Variants in SSPN observed in about 807,000 individuals in gnomAD.
SSPN encodes K-ras oncogene-associated protein.
SSPN carries 15 observed loss-of-function variants against 19.1 expected under a neutral mutation model. That is an observed-to-expected ratio of 0.78 (90% CI 0.52 to 1.21). SSPN has a LOEUF of 1.21. SSPN is among the 50% of genes most tolerant of loss of function. The probability of loss-of-function intolerance (pLI) is 0.00; values close to 1 mark genes in which losing one functional copy is unlikely to be tolerated. For synonymous variants in SSPN, 147 were observed against 140.3 expected (o/e 1.05, Z -0.34); for missense variants, 291 against 314.0 (o/e 0.93, Z 0.55).
intron 1 of SSPN, among the ~76,000 whole-genome samples, chr12:26,169,537 T>C (rs1323118212): frequency 6.6e-6 from 1 of 151,992 alleles, no homozygotes; most frequent in Non-Finnish European, 1.5e-5. Flanking sequence ...TCTAAATCTC[T>C]TTACCATCAG....
chr12:26,218,411 C>A (rs373919883), intron 1 of SSPN, among the ~76,000 whole-genome samples: 1 of 109,624 alleles, frequency 9.1e-6, no homozygotes, highest in South Asian at 4.3e-4. Context: ...GTGGGTGCAG[C>A]GCACCAGCAT....
intron 2 of SSPN, among the ~76,000 whole-genome samples, chr12:26,226,847 C>T (rs575545069): frequency 6.6e-6 from 1 of 152,280 alleles, no homozygotes; most frequent in Non-Finnish European, 1.5e-5. Flanking sequence ...CCCGTTCAGG[C>T]CACCGGGGAA....
intron 1 of SSPN, among the ~76,000 whole-genome samples, chr12:26,135,561 T>C (rs753162747): frequency 6.6e-5 from 10 of 152,304 alleles, no homozygotes; most frequent in Non-Finnish European, 1.3e-4. Flanking sequence ...AGTCGTGCCC[T>C]TGATAGGCTG....
chr12:26,231,009 A>G lies in SSPN; in HGVS notation c.665A>G (p.Gln222Arg). The G allele has an allele frequency of 6.2e-7, 1 of 1,614,214 alleles. No homozygotes were observed. The highest frequency in any genetic ancestry group is 2.2e-5 in the East Asian group (1 of 44,882). ...ACFVMWKHRY[Q>R]VFYVGVRICS... is the part of the protein sequence containing the mutation. ...TTTGTGATGTGGAAACATAGGTACC[A>G]GGTCTTCTATGTGGGTGTCAGGATA... is the stretch of plus-strand genomic sequence containing the variant. Residue 222 changes from glutamine (Q) to arginine (R), a missense_variant, in exon 3 of 3, where the codon CAG (glutamine) becomes CGG (arginine). By Grantham distance (43) the Gln-to-Arg change is conservative. Coordinates refer to ENST00000242729, the MANE Select transcript of SSPN (RefSeq NM_005086.5).
rs964906134 is a variant in SSPN, at chr12:26,199,902, A to T, written c.279+3951A>T. On this transcript the variant is annotated intron_variant, in intron 1 of 2. Transcript: ENST00000242729. ...CCCTTATTATATCTGACAGTAATGA[A>T]TACTTCCGATTAGAAAATTTAACGT... 4.6e-5 allele frequency among the ~76,000 whole-genome samples: 7 copies of T among 152,254 alleles called. 1 individual carries two copies. The highest frequency in any genetic ancestry group is 1.0e-4 in the Non-Finnish European group (7 of 68,048).
intron 1 of SSPN, among the ~76,000 whole-genome samples, chr12:26,185,640 A>G (rs991341287): frequency 1.3e-5 from 2 of 152,190 alleles, no homozygotes; most frequent in Non-Finnish European, 2.9e-5. Context: ...TAATGACCTG[A>G]CCGAACCAGT....
intron 1 of SSPN, among the ~76,000 whole-genome samples, chr12:26,189,992 T>A (rs1009415571): frequency 1.3e-5 from 2 of 152,222 alleles, no homozygotes; most frequent in South Asian, 4.1e-4. Flanking sequence ...AGTGAAGCCA[T>A]GGAACATGTA....
chr12:26,124,933 T>A, intron 1 of SSPN: 1 of 793,308 alleles, frequency 1.3e-6, no homozygotes. Context: ...TGTGAAGCAG[T>A]TGGTCCCCCC....
intron 1 of SSPN, chr12:26,124,631 C>G: frequency 6.2e-7 from 1 of 1,612,266 alleles, no homozygotes; most frequent in Non-Finnish European, 8.5e-7. Flanking sequence ...AGGGGCTCTG[C>G]CCTCGCCAGC....
At chr12:26,148,833 C>T (rs1944508377) in intron 1 of SSPN, among the ~76,000 whole-genome samples, 1 of 152,088 alleles carries the variant, frequency 6.6e-6, no homozygotes, top group Non-Finnish European at 1.5e-5. Flanking sequence ...TGCATCTGAC[C>T]CATCCTGACT....
chr12:26,162,999 CACA>C lies in SSPN; in HGVS notation c.-31+40848_-31+40850del, dbSNP rs1390777172. 3.3e-5 allele frequency among the ~76,000 whole-genome samples: 5 copies of C among 150,618 alleles called. No homozygotes were observed. The East Asian group carries it at 9.7e-4, about 29-fold the overall frequency. ...GAGAAGAGGATTAGGCAGATTCAAA[CACA>C]GTGTGCTTCAAGACGTGTGTGCTTC... is the stretch of plus-strand genomic sequence containing the variant. On this transcript the variant is annotated intron_variant, in intron 1 of 2. Transcript: ENST00000538142.
intron 1 of SSPN, among the ~76,000 whole-genome samples, chr12:26,163,212 TAA>T (rs541852747): frequency 2.2e-3 from 336 of 152,258 alleles, no homozygotes; most frequent in African/African-American, 7.6e-3. Flanking sequence ...CTGAATGGAC[TAA>T]GAGTTAAATG....
chr12:26,222,850 C>T (rs765623990), intron 1 of SSPN, among the ~76,000 whole-genome samples: 1 of 152,320 alleles, frequency 6.6e-6, no homozygotes, highest in Non-Finnish European at 1.5e-5. Flanking sequence ...GTCTTTTTGT[C>T]ACTGATACAC....
chr12:26,143,796 A>T (rs550980583), intron 1 of SSPN, among the ~76,000 whole-genome samples: 3 of 152,330 alleles, frequency 2.0e-5, no homozygotes, highest in African/African-American at 7.2e-5. Flanking sequence ...GTAAAGCTTC[A>T]TCTGTATTTA....
intron 1 of SSPN, chr12:26,123,589 C>G (rs1400903877): frequency 1.4e-6 from 2 of 1,436,178 alleles, no homozygotes; most frequent in Non-Finnish European, 2.0e-6. Flanking sequence ...GTGGGCTGCC[C>G]CGCTTCATCA....
At chr12:26,228,979 C>G (rs1229196247) in intron 2 of SSPN, among the ~76,000 whole-genome samples, 1 of 152,048 alleles carries the variant, frequency 6.6e-6, no homozygotes, top group Admixed American at 6.6e-5. Flanking sequence ...GACTCCATCT[C>G]TTAAAAAAAA....
rs534479770 is a variant in SSPN at position 26,130,760 on chromosome 12, A to G, written c.-31+8608A>G. 2.0e-5 allele frequency among the ~76,000 whole-genome samples: 3 copies of G among 152,326 alleles called. No individual in the cohort carries two copies. In the South Asian group the frequency reaches 6.2e-4, roughly 32 times the overall value. ...AACGTGAAGTGGTAAAAGTGCCATCAGTGTCCCACACTTCTGCTTTTCCAC... is the reference window on the plus strand; with the variant it reads ...AACGTGAAGTGGTAAAAGTGCCATCGGTGTCCCACACTTCTGCTTTTCCAC... On this transcript the variant is annotated intron_variant, in intron 1 of 2. Transcript: ENST00000538142.
intron 1 of SSPN, among the ~76,000 whole-genome samples, chr12:26,137,656 A>ATATATATTT (rs1377562695): frequency 5.2e-5 from 4 of 76,436 alleles, no homozygotes; most frequent in African/African-American, 2.0e-4. Flanking sequence ...ATATATATAT[A>ATATATATTT]TTTTTTTTTT....
intron 1 of SSPN, among the ~76,000 whole-genome samples, chr12:26,146,247 G>A (rs548984665): frequency 4.6e-5 from 7 of 152,304 alleles, no homozygotes; most frequent in Admixed American, 2.0e-4. Flanking sequence ...CAGATGGCCT[G>A]AGATGGGATG....
Sources: allele counts gnomAD v4.1 joint callset (sites outside exome capture counted in the v4.1 genomes callset), GRCh38; gene constraint gnomAD v4.1.1; transcripts MANE v1.5; gene names NCBI Gene and HGNC (gene_info 2026-07-23, HGNC 2026-07-21).